Variants in EIF4G3 observed in about 807,000 individuals in gnomAD.
EIF4G3 encodes eukaryotic translation initiation factor 4 gamma 3, also known as eIF-4-gamma 3.
Under a neutral mutation model 186.4 loss-of-function variants are expected in EIF4G3, and 34 were observed. The ratio of observed to expected loss-of-function variants is 0.18; its 90% CI spans 0.14 to 0.24. The LOEUF (loss-of-function observed/expected upper bound fraction) is 0.24. Among genes scored for constraint, EIF4G3 ranks in the 10% least tolerant of loss-of-function variants. The pLI is 1.00. For synonymous variants in EIF4G3, 673 were observed against 679.5 expected, an observed-to-expected ratio of 0.99 and a Z score of 0.15; for missense variants, 1,536 against 1,948.5, an observed-to-expected ratio of 0.79 and a Z score of 3.99.
chr1:20,903,621 C>T (rs1335724760), intron 15 of EIF4G3, among the ~76,000 whole-genome samples: 2 of 152,130 alleles, frequency 1.3e-5, no homozygotes, highest in Non-Finnish European at 2.9e-5. Context: ...GTTTTACACC[C>T]TAATAACCAC....
chr1:21,066,850 A>G (rs2095260215), intron 3 of EIF4G3, among the ~76,000 whole-genome samples: 1 of 152,244 alleles, frequency 6.6e-6, no homozygotes, highest in African/African-American at 2.4e-5. Flanking sequence ...GACTCATTTT[A>G]GTTAAACGTG....
intron 20 of EIF4G3, 152 bp downstream of exon 20, chr1:20,879,171 T>C (rs952278144): frequency 3.6e-6 from 2 of 557,916 alleles, no homozygotes; most frequent in African/African-American, 1.9e-5. Context: ...TAAAGCAAGA[T>C]TGTCTTTAAT....
intron 20 of EIF4G3, among the ~76,000 whole-genome samples, chr1:20,874,902 T>G (rs994197919): frequency 1.3e-5 from 2 of 152,210 alleles, no homozygotes; most frequent in African/African-American, 4.8e-5. Flanking sequence ...CTATGTTCAC[T>G]GTTACCATTT....
At chr1:20,992,558 A>G (rs970656148) in intron 7 of EIF4G3, among the ~76,000 whole-genome samples, 36 of 152,138 alleles carry the variant, frequency 2.4e-4, no homozygotes, top group African/African-American at 8.7e-4. Flanking sequence ...CCTCCTGCTG[A>G]TAGTGTACGC....
chr1:20,854,322 T>C (rs1421726210), intron 26 of EIF4G3, among the ~76,000 whole-genome samples: 1 of 152,090 alleles, frequency 6.6e-6, no homozygotes, highest in African/African-American at 2.4e-5. Flanking sequence ...GCATAATGAG[T>C]TTCCCTTTTA....
At chr1:20,978,677 CAA>C (rs10603153) in intron 10 of EIF4G3, among the ~76,000 whole-genome samples, 39,762 of 106,018 alleles carry the variant, frequency 0.38, 6,501 homozygotes, top group Non-Finnish European at 0.48. Context: ...TTTATCAGAT[CAA>C]AAAAAAAAAA....
rs532062386 is a variant in EIF4G3 at position 21,038,580 on chromosome 1, C to A, written c.-67+12286G>T. Among the ~76,000 whole-genome samples, 31 of 152,304 alleles carry A rather than the reference C, an allele frequency of 2.0e-4. No individual in the cohort carries two copies. The East Asian group carries it at 5.2e-3, about 26-fold the overall frequency. On this transcript the variant is annotated intron_variant, in intron 4 of 36. Transcript: ENST00000602326. ...GTTCTCATTCATTTGTCACACGAGA[C>A]CACTAGACATAATCTTCACTCTAGG...
chr1:21,071,473 C>G (rs1255623035), intron 3 of EIF4G3, among the ~76,000 whole-genome samples: 1 of 152,164 alleles, frequency 6.6e-6, no homozygotes, highest in Admixed American at 6.5e-5. Context: ...AGTCCTGACA[C>G]TCCACAGAAG....
At chr1:20,973,966 T>C (rs2076357952) in intron 10 of EIF4G3, among the ~76,000 whole-genome samples, 1 of 152,198 alleles carries the variant, frequency 6.6e-6, no homozygotes, top group South Asian at 2.1e-4. Flanking sequence ...GATTTGCTGA[T>C]GAATTGGATA....
chr1:20,838,749 T>C (rs753372452), intron 30 of EIF4G3, among the ~76,000 whole-genome samples: 2 of 152,116 alleles, frequency 1.3e-5, no homozygotes, highest in Non-Finnish European at 2.9e-5. Context: ...GGTGTGATCA[T>C]GGCTTACTGC....
chr1:21,159,309 G>A (rs1198475658), intron 2 of EIF4G3, among the ~76,000 whole-genome samples: 1 of 152,032 alleles, frequency 6.6e-6, no homozygotes, highest in African/African-American at 2.4e-5. Context: ...GCACAGTGGT[G>A]TGTGCCTGTA....
chr1:20,973,148 A>T (rs1264354045), intron 10 of EIF4G3, 49 bp from the exon 11 acceptor site: 1 of 1,347,474 alleles, frequency 7.4e-7, no homozygotes, highest in Non-Finnish European at 1.1e-6. Flanking sequence ...TTTGTCAAAC[A>T]CTACAGAACT....
Position 20,849,475 on chromosome 1 carries a change from C to G in EIF4G3, c.3828G>C (p.Glu1276Asp). 1 of 1,570,354 alleles carries G rather than the reference C, an allele frequency of 6.4e-7. No homozygotes were observed. The highest frequency in any genetic ancestry group is 1.2e-5 in the South Asian group (1 of 82,078). ...TAGATTTCGACTTCCTCTCCAGTTCCTCTTCTGATAATGCAGCCTTGTCAT... is the reference window on the plus strand; with the variant it reads ...TAGATTTCGACTTCCTCTCCAGTTCGTCTTCTGATAATGCAGCCTTGTCAT... The part of the protein sequence containing the change: ...SAHDKAALSE[E>D]ELERKSKSII... Residue 1276 changes from glutamate (E) to aspartate (D), a missense_variant, in exon 29 of 37, where the codon GAG (glutamate) becomes GAC (aspartate). Physicochemically the swap from Glu to Asp is conservative, Grantham distance 45 (BLOSUM62 2). Transcript: ENST00000602326.
At chr1:20,818,776 T>C (rs1476212211) in intron 33 of EIF4G3, among the ~76,000 whole-genome samples, 1 of 152,222 alleles carries the variant, frequency 6.6e-6, no homozygotes, top group Non-Finnish European at 1.5e-5. Flanking sequence ...TAAGGATTAC[T>C]CACATAAGGT....
intron 20 of EIF4G3, 26 bp downstream of exon 20, chr1:20,879,297 C>T (rs777713909): frequency 8.7e-5 from 134 of 1,540,794 alleles, no homozygotes; most frequent in Non-Finnish European, 1.1e-4. Context: ...GAAGATTTCT[C>T]GTTTTACTCC....
In EIF4G3 at chr1:20,904,871, A is replaced by AT. The variant is rs749996789; in HGVS notation, c.1752+11_1752+12insA. 1 of 1,608,298 alleles carries AT rather than the reference A, an allele frequency of 6.2e-7. No homozygotes were observed. The highest frequency in any genetic ancestry group is 1.1e-5 in the South Asian group (1 of 90,874). ...CCACTGCTCTGAATATGAACTTAAG[A>AT]GATTTGCTTACCTCCAATTCTGCCT... On this transcript the variant is annotated intron_variant, in intron 15 of 36. Coordinates refer to ENST00000602326, the MANE Select transcript of EIF4G3 (RefSeq NM_001391906.1).
intron 18 of EIF4G3, among the ~76,000 whole-genome samples, chr1:20,890,668 C>G (rs1392322793): frequency 2.0e-5 from 3 of 152,158 alleles, no homozygotes; most frequent in Non-Finnish European, 4.4e-5. Flanking sequence ...GTTGCCCAGG[C>G]TGGTCTTGAA....
intron 7 of EIF4G3, among the ~76,000 whole-genome samples, chr1:20,982,679 G>C (rs533460712): frequency 6.6e-6 from 1 of 152,286 alleles, no homozygotes; most frequent in African/African-American, 2.4e-5. Context: ...ACAAGTTATA[G>C]TAGTGTGCAA....
chr1:20,959,655 C>CAGT lies in EIF4G3; in HGVS notation c.715-9545_715-9544insACT, dbSNP rs558803925. 4.0e-3 allele frequency among the ~76,000 whole-genome samples: 574 copies of CAGT among 142,522 alleles called. 4 individuals are homozygous for CAGT. The highest frequency in any genetic ancestry group is 0.014 in the African/African-American group (544 of 39,018). The allele number at this position is 142,522 out of a possible 152,430, so 93.5% of individuals were successfully genotyped here. The stretch of plus-strand genomic sequence containing the variant: ...TCTACAAGGAACTCAAACAAATCAG[C>CAGT]AATAATAATAATAATAATAATAATA... On this transcript the variant is annotated intron_variant, in intron 12 of 36. Coordinates refer to ENST00000602326, the MANE Select transcript of EIF4G3 (RefSeq NM_001391906.1).
Sources: allele counts gnomAD v4.1 joint callset (sites outside exome capture counted in the v4.1 genomes callset), GRCh38; gene constraint gnomAD v4.1.1; transcripts MANE v1.5; gene names NCBI Gene and HGNC (gene_info 2026-07-23, HGNC 2026-07-21).